XPNPEP1: variants seen among roughly 807,000 people sequenced by gnomAD.
XPNPEP1 encodes the protein xaa-Pro aminopeptidase 1.
In XPNPEP1, 39 loss-of-function variants were observed where a neutral mutation model predicts 92.4. That is an observed-to-expected ratio of 0.42 (90% CI 0.33 to 0.55). The LOEUF is 0.55. XPNPEP1 is among the 20% of genes least tolerant of loss of function. The pLI is 0.08. For synonymous variants in XPNPEP1, 307 were observed against 299.4 expected, an observed-to-expected ratio of 1.03 and a Z score of -0.26; for missense variants, 654 against 856.1, an observed-to-expected ratio of 0.76 and a Z score of 2.95.
At chr10:109,918,115 A>G (rs1850290234) in intron 1 of XPNPEP1, among the ~76,000 whole-genome samples, 2 of 150,174 alleles carry the variant, frequency 1.3e-5, no homozygotes, top group South Asian at 2.1e-4. Context: ...CCCTGCCTCA[A>G]AAAAAAAAAC....
chr10:109,909,289 A>G (rs984211068), intron 2 of XPNPEP1, among the ~76,000 whole-genome samples: 9 of 152,134 alleles, frequency 5.9e-5, no homozygotes, highest in Non-Finnish European at 1.5e-5. Context: ...AAATAAATAA[A>G]GTATGGCGGG....
At position 109,888,207 on chromosome 10, in the gene XPNPEP1, T is replaced by A; in HGVS notation, c.509-15A>T. On this transcript the variant is annotated splice_polypyrimidine_tract_variant and intron_variant, in intron 6 of 20. Coordinates refer to ENST00000502935, the MANE Select transcript of XPNPEP1 (RefSeq NM_020383.4). The stretch of plus-strand genomic sequence containing the variant: ...CTTCCAATAATCTGAGGAGACACAT[T>A]GTGGCCCAGCCATGAGCCGAACGCC... 6.2e-7 allele frequency: 1 copy of A among 1,607,796 alleles called. No homozygotes were observed. The highest frequency in any genetic ancestry group is 8.5e-7 in the Non-Finnish European group (1 of 1,179,624).
chr10:109,921,184 T>C (rs1285933376), intron 1 of XPNPEP1, among the ~76,000 whole-genome samples: 1 of 152,194 alleles, frequency 6.6e-6, no homozygotes, highest in Non-Finnish European at 1.5e-5. Flanking sequence ...TAGAAGAATA[T>C]ACCTCAGGGA....
At position 109,907,215 on chromosome 10, in the gene XPNPEP1, T is replaced by C. The variant is rs142422318; in HGVS notation, c.246+476A>G. Among the ~76,000 whole-genome samples, 1,072 of 152,316 alleles carry C rather than the reference T, an allele frequency of 7.0e-3. 7 individuals are homozygous for C. Among genetic ancestry groups the C allele is most frequent in the Middle Eastern group, 0.02 (6 of 294 alleles). On this transcript the variant is annotated intron_variant, in intron 3 of 20. Transcript: ENST00000502935. ...AGACATTCAACCTTAAGTTCATCTT[T>C]GCACCCTACAGCACCATAACCACAG...
chr10:109,909,033 G>T (rs531562144), intron 2 of XPNPEP1, among the ~76,000 whole-genome samples: 337 of 152,204 alleles, frequency 2.2e-3, no homozygotes, highest in Middle Eastern at 6.8e-3. Flanking sequence ...CACTTTGGGA[G>T]GCCAAAGCAG....
intron 7 of XPNPEP1, 79 bp from the exon 8 acceptor site, chr10:109,886,420 A>C: frequency 1.5e-6 from 2 of 1,315,478 alleles, no homozygotes; most frequent in Non-Finnish European, 1.1e-6. Flanking sequence ...CCTACCCTAA[A>C]CATCTTTAAT....
intron 7 of XPNPEP1, 30 bp downstream of exon 7, chr10:109,888,019 G>C (rs1376093064): frequency 1.9e-6 from 3 of 1,610,716 alleles, no homozygotes; most frequent in Non-Finnish European, 2.5e-6. Flanking sequence ...AATGGCAGGG[G>C]CCCTGCTGGG....
At chr10:109,900,043 C>T (rs1349248401) in intron 3 of XPNPEP1, among the ~76,000 whole-genome samples, 2 of 152,230 alleles carry the variant, frequency 1.3e-5, no homozygotes, top group Non-Finnish European at 2.9e-5. Flanking sequence ...TACCACAACC[C>T]TTGCTCTGAG....
intron 1 of XPNPEP1, among the ~76,000 whole-genome samples, chr10:109,915,907 G>A (rs1284309572): frequency 6.6e-6 from 1 of 152,120 alleles, no homozygotes; most frequent in African/African-American, 2.4e-5. Flanking sequence ...TTTCTTTCAA[G>A]TTCATTCAGT....
chr10:109,901,792 T>C (rs1849300932), intron 3 of XPNPEP1, among the ~76,000 whole-genome samples: 1 of 152,252 alleles, frequency 6.6e-6, no homozygotes, highest in Non-Finnish European at 1.5e-5. Flanking sequence ...GTCAGTCTTA[T>C]GAAATCTAAA....
chr10:109,889,166 T>C (rs577277170), intron 5 of XPNPEP1, among the ~76,000 whole-genome samples: 1 of 152,348 alleles, frequency 6.6e-6, no homozygotes, highest in African/African-American at 2.4e-5. Context: ...CCGAAGATTT[T>C]AAGAGAGGCA....
At chr10:109,879,008 C>CG (rs1847933557) in intron 12 of XPNPEP1, among the ~76,000 whole-genome samples, 1 of 151,884 alleles carries the variant, frequency 6.6e-6, no homozygotes, top group Non-Finnish European at 1.5e-5. Flanking sequence ...TTTGGGAGGC[C>CG]GAGGCGGGCG....
At chr10:109,874,319 C>A (rs781110619) in intron 15 of XPNPEP1, among the ~76,000 whole-genome samples, 3 of 152,134 alleles carry the variant, frequency 2.0e-5, no homozygotes, top group Non-Finnish European at 4.4e-5. Context: ...AACAGGAGCC[C>A]ATCTCTAGCA....
intron 5 of XPNPEP1, among the ~76,000 whole-genome samples, chr10:109,889,481 T>G (rs1194909469): frequency 2.0e-5 from 3 of 152,236 alleles, no homozygotes; most frequent in Admixed American, 2.0e-4. Flanking sequence ...GGCCATCCTG[T>G]TGCCTTTAAC....
chr10:109,881,278 G>A (rs896508770), intron 10 of XPNPEP1, among the ~76,000 whole-genome samples: 3 of 152,170 alleles, frequency 2.0e-5, no homozygotes, highest in East Asian at 3.9e-4. Context: ...AAGCTTGACC[G>A]AAATCACCCT....
rs772194895 is a variant in XPNPEP1, at chr10:109,870,946, C to CT, written c.1523-43dup. On this transcript the variant is annotated intron_variant, in intron 17 of 20. Transcript: ENST00000502935. ...GCCACTTAATTGTATTTGTACAGCG[C>CT]TTTAGAGATTAAATTTATTATGTGT... 1.9e-6 allele frequency: 3 copies of CT among 1,575,008 alleles called. No homozygotes were observed. In the South Asian group the frequency reaches 3.5e-5, roughly 18 times the overall value.
chr10:109,870,078 G>A (rs1384509386), intron 18 of XPNPEP1, 49 bp from the exon 19 acceptor site: 11 of 1,595,876 alleles, frequency 6.9e-6, no homozygotes, highest in Non-Finnish European at 9.4e-6. Context: ...CGATGAAGAT[G>A]TCTACAGAGA....
intron 12 of XPNPEP1, among the ~76,000 whole-genome samples, chr10:109,878,968 C>A (rs1458296437): frequency 6.6e-6 from 1 of 151,982 alleles, no homozygotes; most frequent in African/African-American, 2.4e-5. Flanking sequence ...TACGGCCAGG[C>A]ACGGTGGCTC....
intron 11 of XPNPEP1, 135 bp downstream of exon 11, chr10:109,880,707 C>T (rs1848044344): frequency 4.1e-6 from 3 of 729,738 alleles, no homozygotes; most frequent in Non-Finnish European, 4.5e-6. Flanking sequence ...CTCAATAACT[C>T]CTCCTGGAAG....
Sources: gnomAD v4.1 joint callset for allele counts (sites outside exome capture counted in the v4.1 genomes callset) on GRCh38, gnomAD v4.1.1 for gene constraint, MANE v1.5 for transcripts, NCBI Gene and HGNC (gene_info 2026-07-23, HGNC 2026-07-21) for gene names.